Variants in DLGAP2 observed in about 807,000 individuals in gnomAD.
DLGAP2 encodes DLG associated protein 2.
DLGAP2 carries 26 observed loss-of-function variants against 100.3 expected under a neutral mutation model. The observed-to-expected ratio is 0.26, with a 90% CI of 0.19 to 0.36. The LOEUF (loss-of-function observed/expected upper bound fraction) is 0.36. Among genes scored for constraint, DLGAP2 ranks in the 10% least tolerant of loss-of-function variants. The pLI, the probability that DLGAP2 is intolerant of heterozygous loss-of-function variation, is 1.00. For synonymous variants in DLGAP2, 886 were observed against 630.1 expected (o/e 1.41, Z -6.08); for missense variants, 1,858 against 1,453.2 (o/e 1.28, Z -4.53).
Position 1,706,282 on chromosome 8 carries a change from G to C in DLGAP2, c.*4876G>C, listed in dbSNP as rs1799702341. 6.6e-6 allele frequency: 1 copy of C among 152,204 alleles called. No homozygotes were observed. The allele number at this position is 152,204 out of a possible 1,614,324, so 9.4% of individuals were successfully genotyped here. A position where few individuals can be genotyped will look rare whatever the true frequency, so the allele number is the denominator to read the frequency against. The stretch of plus-strand genomic sequence containing the variant: ...TGTCTCAGTTTTTTTCCTCTAGAAA[G>C]GGGATTACAGTTCCTGTCCCTGTCT... On this transcript the variant is annotated 3_prime_UTR_variant, in exon 15 of 15. Coordinates refer to ENST00000637795, the MANE Select transcript of DLGAP2 (RefSeq NM_001346810.2).
intron 3 of DLGAP2, among the ~76,000 whole-genome samples, chr8:1,277,854 A>G (rs1478425574): frequency 1.3e-5 from 2 of 152,326 alleles, no homozygotes; most frequent in East Asian, 1.9e-4. Flanking sequence ...GTGACTGCAC[A>G]AGGACAGTTA....
intron 3 of DLGAP2, among the ~76,000 whole-genome samples, chr8:1,271,847 T>A (rs188213932): frequency 6.6e-6 from 1 of 152,334 alleles, no homozygotes; most frequent in East Asian, 1.9e-4. Context: ...CAGACTCTTG[T>A]TCTATCACCC....
chr8:1,656,990 C>T (rs146948746), intron 8 of DLGAP2, among the ~76,000 whole-genome samples: 22 of 151,944 alleles, frequency 1.4e-4, no homozygotes, highest in Non-Finnish European at 1.3e-4. Context: ...ATTTGGAAGA[C>T]ACTTAAAAAA....
At chr8:822,591 CTG>C (rs1169521008) in intron 1 of DLGAP2, among the ~76,000 whole-genome samples, 18 of 152,228 alleles carry the variant, frequency 1.2e-4, no homozygotes, top group Non-Finnish European at 2.9e-5. Context: ...CCGAATGAAT[CTG>C]TGCATTCACC....
At chr8:889,318 C>T (rs1383406451) in intron 1 of DLGAP2, among the ~76,000 whole-genome samples, 1 of 152,182 alleles carries the variant, frequency 6.6e-6, no homozygotes, top group Non-Finnish European at 1.5e-5. Flanking sequence ...CACTTTGTCC[C>T]TTGGTGGAGA....
intron 3 of DLGAP2, among the ~76,000 whole-genome samples, chr8:1,347,477 C>T (rs182085780): frequency 3.9e-5 from 6 of 152,180 alleles, no homozygotes; most frequent in South Asian, 2.1e-4. Context: ...CTGCATTGCT[C>T]TCATGGGGGC....
intron 3 of DLGAP2, among the ~76,000 whole-genome samples, chr8:1,314,529 A>C (rs7828479): frequency 2.0e-5 from 3 of 152,034 alleles, no homozygotes; most frequent in Non-Finnish European, 4.4e-5. Flanking sequence ...CAGGGGAGAC[A>C]TGGCCGAGTT....
At chr8:884,583 C>T (rs568294496) in intron 1 of DLGAP2, among the ~76,000 whole-genome samples, 1 of 152,092 alleles carries the variant, frequency 6.6e-6, no homozygotes, top group East Asian at 1.9e-4. Context: ...CTGTAGGTTG[C>T]CTGTTCATTT....
chr8:962,820 C>T (rs1238677959), intron 2 of DLGAP2, among the ~76,000 whole-genome samples: 1 of 152,154 alleles, frequency 6.6e-6, no homozygotes, highest in African/African-American at 2.4e-5. Context: ...CTGTGGCCCT[C>T]AGGTGACAAG....
At chr8:1,114,684 C>G (rs189117480) in intron 2 of DLGAP2, among the ~76,000 whole-genome samples, 3 of 150,416 alleles carry the variant, frequency 2.0e-5, no homozygotes, top group African/African-American at 7.4e-5. Flanking sequence ...AATGGTTTTT[C>G]GTGTCTTGAT....
intron 3 of DLGAP2, among the ~76,000 whole-genome samples, chr8:1,295,604 T>C (rs1271060351): frequency 6.6e-6 from 1 of 152,134 alleles, no homozygotes; most frequent in Non-Finnish European, 1.5e-5. Context: ...CAGGGGAACA[T>C]GTGTCAAGGT....
intron 1 of DLGAP2, among the ~76,000 whole-genome samples, chr8:839,455 A>T (rs1796941449): frequency 6.6e-6 from 1 of 152,224 alleles, no homozygotes. Flanking sequence ...CTTTATGCTG[A>T]GCGAAATAAG....
At chr8:1,682,808 T>C (rs137865961) in intron 12 of DLGAP2, among the ~76,000 whole-genome samples, 1,674 of 151,798 alleles carry the variant, frequency 0.011, 38 homozygotes, top group African/African-American at 0.038. Context: ...CTTACCTTAT[T>C]ATTAGGCATC....
At chr8:1,266,402 C>G (rs1170367237) in intron 3 of DLGAP2, among the ~76,000 whole-genome samples, 3 of 152,226 alleles carry the variant, frequency 2.0e-5, no homozygotes, top group Non-Finnish European at 4.4e-5. Context: ...GAAGCAGCAT[C>G]TCTGCTGTCC....
At chr8:1,507,758 C>T (rs1799978997) in intron 4 of DLGAP2, among the ~76,000 whole-genome samples, 1 of 152,064 alleles carries the variant, frequency 6.6e-6, no homozygotes, top group South Asian at 2.1e-4. Flanking sequence ...TCCTCAGCCA[C>T]CGAGTCTTCC....
intron 3 of DLGAP2, among the ~76,000 whole-genome samples, chr8:1,420,461 T>G (rs758757402): frequency 6.6e-6 from 1 of 152,092 alleles, no homozygotes; most frequent in Non-Finnish European, 1.5e-5. Context: ...GCACTTTGAG[T>G]TTTTTCTAAT....
chr8:1,518,499 A>G (rs1800472861), intron 4 of DLGAP2, among the ~76,000 whole-genome samples: 1 of 152,162 alleles, frequency 6.6e-6, no homozygotes, highest in Non-Finnish European at 1.5e-5. Context: ...ATAACGTTTG[A>G]GTTTCATAAG....
intron 2 of DLGAP2, among the ~76,000 whole-genome samples, chr8:1,207,552 A>G (rs1798022157): frequency 6.6e-6 from 1 of 152,166 alleles, no homozygotes; most frequent in African/African-American, 2.4e-5. Flanking sequence ...TCTTTTTCGT[A>G]TAATGAGCCT....
At chr8:1,186,720 T>C (rs1358997042) in intron 2 of DLGAP2, among the ~76,000 whole-genome samples, 1 of 152,190 alleles carries the variant, frequency 6.6e-6, no homozygotes, top group Admixed American at 6.5e-5. Flanking sequence ...CTGTTGTGAA[T>C]ATCTGTGGGA....
Sources: allele counts gnomAD v4.1 joint callset (sites outside exome capture counted in the v4.1 genomes callset), GRCh38; gene constraint gnomAD v4.1.1; transcripts MANE v1.5; gene names NCBI Gene and HGNC (gene_info 2026-07-23, HGNC 2026-07-21).